The following CACNA2D3 variants were observed in gnomAD, a reference collection of about 807,000 sequenced individuals.
The protein encoded by CACNA2D3 is voltage-dependent calcium channel subunit alpha-2/delta-3.
A neutral mutation model predicts 160.6 loss-of-function variants in CACNA2D3; 60 were observed. The ratio of observed to expected loss-of-function variants is 0.37; its 90% CI spans 0.30 to 0.46. The LOEUF (loss-of-function observed/expected upper bound fraction) is 0.46, where lower values mean the gene tolerates loss of function less well. Ranked by LOEUF, CACNA2D3 falls within the 20% of genes least tolerant of loss-of-function variation. The pLI is 1.00. For missense variants in CACNA2D3, 1,205 were observed against 1,365.0 expected (o/e 0.88, Z 1.85); for synonymous variants, 558 against 492.9 (o/e 1.13, Z -1.75).
intron 2 of CACNA2D3, among the ~76,000 whole-genome samples, chr3:54,254,235 G>A (rs1702251587): frequency 6.6e-6 from 1 of 152,116 alleles, no homozygotes; most frequent in Admixed American, 6.5e-5. Context: ...GTTTGCCAGT[G>A]GTGAGTTTGA....
intron 14 of CACNA2D3, among the ~76,000 whole-genome samples, chr3:54,832,041 A>ACACACACC: frequency 6.7e-6 from 1 of 149,360 alleles, no homozygotes; most frequent in Admixed American, 6.7e-5. Context: ...ACACACACAC[A>ACACACACC]CACACACACA....
intron 2 of CACNA2D3, among the ~76,000 whole-genome samples, chr3:54,139,411 C>T (rs555182393): frequency 1.3e-5 from 2 of 152,364 alleles, no homozygotes; most frequent in African/African-American, 4.8e-5. Flanking sequence ...AGCTGAATGG[C>T]CAAGAGAAGA....
At chr3:54,164,254 C>G (rs541720816) in intron 2 of CACNA2D3, among the ~76,000 whole-genome samples, 3 of 152,308 alleles carry the variant, frequency 2.0e-5, no homozygotes, top group African/African-American at 7.2e-5. Flanking sequence ...GCACGTACCC[C>G]CTCTCCCCAA....
intron 11 of CACNA2D3, among the ~76,000 whole-genome samples, chr3:54,732,186 T>C (rs566669923): frequency 6.6e-6 from 1 of 152,366 alleles, no homozygotes; most frequent in African/African-American, 2.4e-5. Context: ...TTTGATGACA[T>C]CACTCTGTAA....
At chr3:54,441,166 A>G (rs895836056) in intron 4 of CACNA2D3, among the ~76,000 whole-genome samples, 3 of 152,128 alleles carry the variant, frequency 2.0e-5, no homozygotes, top group African/African-American at 7.2e-5. Context: ...CTGGCTCTTT[A>G]ATGATTGCCA....
intron 4 of CACNA2D3, among the ~76,000 whole-genome samples, chr3:54,483,046 T>C (rs926583748): frequency 6.6e-6 from 1 of 152,160 alleles, no homozygotes; most frequent in African/African-American, 2.4e-5. Context: ...CAAATGCTAA[T>C]TGAGAGAATG....
chr3:54,713,068 A>AGCAC (rs1329955620), intron 11 of CACNA2D3, among the ~76,000 whole-genome samples: 1 of 152,200 alleles, frequency 6.6e-6, no homozygotes, highest in East Asian at 1.9e-4. Context: ...GACTCCTGTA[A>AGCAC]TGGCTTAGAA....
At chr3:54,209,524 A>G (rs891669392) in intron 2 of CACNA2D3, among the ~76,000 whole-genome samples, 24 of 152,192 alleles carry the variant, frequency 1.6e-4, no homozygotes, top group Admixed American at 5.9e-4. Context: ...ATTAAATTAC[A>G]TTTTCAGTGT....
In CACNA2D3 at chr3:54,379,726, C is replaced by T. The variant is rs182195348; in HGVS notation, c.322-6989C>T. Among the ~76,000 whole-genome samples, 15 of 152,280 alleles carry T rather than the reference C, an allele frequency of 9.9e-5. No individual in the cohort carries two copies. In the East Asian group the frequency reaches 1.9e-3, roughly 20 times the overall value. ...TGTGAAATGTTCCTGTTGGCTGGAA[C>T]GTTCTTTCAGCACTTCTCTTTCTCC... On this transcript the variant is annotated intron_variant, in intron 3 of 37. Transcript: ENST00000474759.
intron 4 of CACNA2D3, among the ~76,000 whole-genome samples, chr3:54,499,946 G>A (rs1310533756): frequency 2.0e-5 from 3 of 152,098 alleles, no homozygotes; most frequent in Non-Finnish European, 4.4e-5. Context: ...ATTCTTACCA[G>A]TACTTTGCCT....
intron 3 of CACNA2D3, among the ~76,000 whole-genome samples, chr3:54,383,086 G>C (rs1370476186): frequency 6.6e-6 from 1 of 152,144 alleles, no homozygotes; most frequent in Non-Finnish European, 1.5e-5. Flanking sequence ...GGGCTCATAC[G>C]ATCCGCCCCC....
At position 54,562,868 on chromosome 3, in the gene CACNA2D3, C is replaced by T. The variant is rs201460686; in HGVS notation, c.613C>T (p.Arg205Cys). Residue 205 changes from arginine (R) to cysteine (C), a missense_variant, in exon 6 of 38, where the codon CGT becomes TGT. Arg to Cys is a radical substitution (Grantham distance 180). Around this residue, in one of 3 missense-constraint regions of CACNA2D3, gnomAD observed 131 missense variants for 201.5 expected, o/e 0.65. Coordinates refer to ENST00000474759, the MANE Select transcript of CACNA2D3 (RefSeq NM_018398.3). ...LNKVFVDNFD[R>C]DPSLIWQYFG... is the part of the protein sequence containing the mutation. ...CAAAGTTTTTGTAGATAACTTTGAC[C>T]GTGACCCATCTCTCATATGGCAGTA... 4.2e-5 allele frequency: 67 copies of T among 1,612,896 alleles called. No individual in the cohort carries two copies. The highest frequency in any genetic ancestry group is 4.8e-5 in the Non-Finnish European group (57 of 1,179,178).
intron 16 of CACNA2D3, among the ~76,000 whole-genome samples, chr3:54,845,623 C>T (rs1234450975): frequency 6.6e-6 from 1 of 152,152 alleles, no homozygotes; most frequent in Non-Finnish European, 1.5e-5. Flanking sequence ...TGTCAAAAAG[C>T]CGGGATTATT....
intron 2 of CACNA2D3, among the ~76,000 whole-genome samples, chr3:54,141,092 C>CGTGTGTGCGTGTGTGTGTGT (rs1699923491): frequency 1.8e-5 from 2 of 110,524 alleles, no homozygotes; most frequent in African/African-American, 7.8e-5. Context: ...TGTGTGCGCG[C>CGTGTGTGCGTGTGTGTGTGT]GCGCGCGTGT....
chr3:54,403,494 T>G (rs1008504911), intron 4 of CACNA2D3, among the ~76,000 whole-genome samples: 2 of 151,844 alleles, frequency 1.3e-5, no homozygotes, highest in Non-Finnish European at 2.9e-5. Context: ...GAAGGGAAGT[T>G]CATAACTGTA....
chr3:54,242,448 AAAATG>A (rs1205467382), intron 2 of CACNA2D3, among the ~76,000 whole-genome samples: 6 of 152,212 alleles, frequency 3.9e-5, no homozygotes, highest in South Asian at 2.1e-4. Context: ...GTCTCAAATA[AAAATG>A]AAATGAAATG....
At chr3:54,713,284 G>A (rs889054610) in intron 11 of CACNA2D3, among the ~76,000 whole-genome samples, 3 of 152,190 alleles carry the variant, frequency 2.0e-5, no homozygotes, top group African/African-American at 4.8e-5. Context: ...GCTTTCTAAA[G>A]CCAAAGCTCA....
intron 14 of CACNA2D3, among the ~76,000 whole-genome samples, chr3:54,822,603 C>CATG (rs1036759064): frequency 4.6e-5 from 7 of 152,274 alleles, no homozygotes; most frequent in African/African-American, 1.7e-4. Context: ...ATTCAAAGTG[C>CATG]ATGGCTTCCT....
At chr3:54,623,842 T>A (rs1699040153) in intron 9 of CACNA2D3, among the ~76,000 whole-genome samples, 1 of 152,184 alleles carries the variant, frequency 6.6e-6, no homozygotes, top group African/African-American at 2.4e-5. Flanking sequence ...TAAATGTAAA[T>A]TCTACATGTG....
Sources: allele counts gnomAD v4.1 joint callset (sites outside exome capture counted in the v4.1 genomes callset), GRCh38; gene constraint gnomAD v4.1.1; regional missense constraint gnomAD v4.1.1; transcripts MANE v1.5; gene names NCBI Gene and HGNC (gene_info 2026-07-23, HGNC 2026-07-21).